Variants in LPP observed in about 807,000 individuals in gnomAD.
The protein encoded by LPP is LIM domain containing preferred translocation partner in lipoma, also known as lipoma-preferred partner.
A neutral mutation model predicts 60.4 loss-of-function variants in LPP; 38 were observed. That is an observed-to-expected ratio of 0.63 (90% CI 0.49 to 0.83). LPP has a LOEUF of 0.83. LPP is among the 40% of genes least tolerant of loss of function. The pLI, the probability that LPP is intolerant of heterozygous loss-of-function variation, is 0.00. For missense variants in LPP, 902 were observed against 783.6 expected, an observed-to-expected ratio of 1.15 and a Z score of -1.80; for synonymous variants, 328 against 290.8, an observed-to-expected ratio of 1.13 and a Z score of -1.30.
At chr3:188,169,316 C>T (rs1720895023) in intron 1 of LPP, among the ~76,000 whole-genome samples, 2 of 152,110 alleles carry the variant, frequency 1.3e-5, no homozygotes, top group South Asian at 2.1e-4. Flanking sequence ...TTAGTTTATC[C>T]GTGTAACACG....
Position 188,367,058 on chromosome 3 carries a change from G to A in LPP, c.-10+25339G>A, listed in dbSNP as rs575331789. 4.2e-4 allele frequency among the ~76,000 whole-genome samples: 64 copies of A among 151,994 alleles called. 1 individual carries two copies. Among genetic ancestry groups the A allele is most frequent in the African/African-American group, 1.5e-3 (63 of 41,476 alleles). On this transcript the variant is annotated intron_variant, in intron 3 of 11. Transcript: ENST00000617246. ...ACTACAGGCACCCGCCACCATGCCC[G>A]GCTAATTTTTTGTATTTTTAGTAGA...
At chr3:188,369,970 C>A (rs901074754) in intron 3 of LPP, among the ~76,000 whole-genome samples, 7 of 152,148 alleles carry the variant, frequency 4.6e-5, no homozygotes, top group Non-Finnish European at 8.8e-5. Context: ...TCTCTGTTGC[C>A]CAGGCTGGAG....
chr3:188,793,325 G>C (rs35104900), intron 9 of LPP, among the ~76,000 whole-genome samples: 21,161 of 151,718 alleles, frequency 0.14, 1,542 homozygotes, highest in Middle Eastern at 0.19. Context: ...GGGATTATAA[G>C]CACCCACCAC....
intron 1 of LPP, among the ~76,000 whole-genome samples, chr3:188,200,769 T>C (rs1560104795): frequency 6.6e-6 from 1 of 152,188 alleles, no homozygotes; most frequent in Non-Finnish European, 1.5e-5. Context: ...AAAGGCACTC[T>C]AGCTGGTGGA....
At chr3:188,581,583 T>A (rs1245262911) in intron 6 of LPP, among the ~76,000 whole-genome samples, 1 of 152,054 alleles carries the variant, frequency 6.6e-6, no homozygotes, top group Non-Finnish European at 1.5e-5. Flanking sequence ...GTGGCTCAAC[T>A]CTCTCCTGCC....
chr3:188,547,975 CTA>C (rs1827112762), intron 6 of LPP, among the ~76,000 whole-genome samples: 1 of 152,110 alleles, frequency 6.6e-6, no homozygotes, highest in African/African-American at 2.4e-5. Flanking sequence ...TGCTTATTAC[CTA>C]TGTCTAACCT....
At chr3:188,494,373 T>A (rs1161257202) in intron 5 of LPP, among the ~76,000 whole-genome samples, 2 of 152,210 alleles carry the variant, frequency 1.3e-5, no homozygotes, top group Non-Finnish European at 2.9e-5. Context: ...TCCCTCATTG[T>A]GTTTTCATCG....
At chr3:188,871,716 T>C (rs1489353017) in intron 10 of LPP, among the ~76,000 whole-genome samples, 2 of 152,202 alleles carry the variant, frequency 1.3e-5, no homozygotes, top group African/African-American at 4.8e-5. Flanking sequence ...TTTCAAATAA[T>C]ATGTCATTTC....
At chr3:188,543,723 C>A (rs1825813464) in intron 6 of LPP, among the ~76,000 whole-genome samples, 1 of 152,136 alleles carries the variant, frequency 6.6e-6, no homozygotes. Context: ...TCATTTGAAA[C>A]CTAAATGTGG....
At chr3:188,517,864 A>G (rs1817824865) in intron 5 of LPP, among the ~76,000 whole-genome samples, 1 of 152,172 alleles carries the variant, frequency 6.6e-6, no homozygotes, top group Non-Finnish European at 1.5e-5. Context: ...ATAGGGACAC[A>G]GAGCAAAACT....
At chr3:188,772,594 G>A (rs571598568) in intron 9 of LPP, among the ~76,000 whole-genome samples, 18 of 152,014 alleles carry the variant, frequency 1.2e-4, no homozygotes, top group South Asian at 2.1e-4. Flanking sequence ...TCCTGGGTTC[G>A]CGCCATTCTC....
chr3:188,757,148 C>T (rs1377406664), intron 8 of LPP, among the ~76,000 whole-genome samples: 1 of 152,344 alleles, frequency 6.6e-6, no homozygotes, highest in East Asian at 1.9e-4. Flanking sequence ...TTCCATAGCA[C>T]TTTCTTCTAA....
At chr3:188,285,392 T>C (rs866377536) in intron 2 of LPP, among the ~76,000 whole-genome samples, 1 of 152,116 alleles carries the variant, frequency 6.6e-6, no homozygotes. Context: ...TTGGATAGTA[T>C]GGTTACTGAA....
chr3:188,728,542 G>A (rs1023631577), intron 8 of LPP, among the ~76,000 whole-genome samples: 34 of 152,146 alleles, frequency 2.2e-4, no homozygotes, highest in African/African-American at 7.5e-4. Context: ...ATATTATGCA[G>A]ATCTATACCT....
intron 3 of LPP, among the ~76,000 whole-genome samples, chr3:188,363,936 T>C (rs1041567525): frequency 3.3e-5 from 5 of 149,818 alleles, no homozygotes; most frequent in African/African-American, 9.8e-5. Context: ...AAATACTATG[T>C]ACTTGTTCCT....
intron 2 of LPP, among the ~76,000 whole-genome samples, chr3:188,281,834 G>A (rs1195372719): frequency 6.6e-6 from 1 of 151,966 alleles, no homozygotes; most frequent in African/African-American, 2.4e-5. Context: ...AACCTCAACA[G>A]TTATTTGTAT....
At chr3:188,313,397 C>T (rs144692625) in intron 2 of LPP, among the ~76,000 whole-genome samples, 24 of 152,090 alleles carry the variant, frequency 1.6e-4, no homozygotes, top group African/African-American at 4.6e-4. Flanking sequence ...CCCAGCACTT[C>T]GGGTGGCTGA....
chr3:188,190,055 AT>A (rs36073619), intron 1 of LPP, among the ~76,000 whole-genome samples: 2,795 of 131,000 alleles, frequency 0.021, 49 homozygotes, highest in African/African-American at 0.066. Flanking sequence ...CATTCTGTGG[AT>A]TTTTTTTTTT....
At chr3:188,638,258 A>G (rs1253084221) in intron 7 of LPP, among the ~76,000 whole-genome samples, 2 of 147,422 alleles carry the variant, frequency 1.4e-5, no homozygotes, top group Admixed American at 6.8e-5. Flanking sequence ...AGCCAAAGAC[A>G]AAAACCACAT....
Sources: gnomAD v4.1 joint callset for allele counts (sites outside exome capture counted in the v4.1 genomes callset) on GRCh38, gnomAD v4.1.1 for gene constraint, MANE v1.5 for transcripts, NCBI Gene and HGNC (gene_info 2026-07-23, HGNC 2026-07-21) for gene names.